The following COG5 variants were observed in gnomAD, a reference collection of about 807,000 sequenced individuals.
COG5 encodes component of oligomeric golgi complex 5, also known as conserved oligomeric Golgi complex subunit 5.
COG5 carries 86 observed loss-of-function variants against 110.4 expected under a neutral mutation model. That is an observed-to-expected ratio of 0.78 (90% CI 0.65 to 0.93). The LOEUF is 0.93. Ranked by LOEUF, COG5 falls within the 40% of genes least tolerant of loss-of-function variation. The probability of loss-of-function intolerance (pLI) is 0.00; values close to 1 mark genes in which losing one functional copy is unlikely to be tolerated. For synonymous variants in COG5, 360 were observed against 334.6 expected (o/e 1.08, Z -0.83); for missense variants, 1,077 against 987.0 (o/e 1.09, Z -1.22).
intron 6 of COG5, among the ~76,000 whole-genome samples, chr7:107,508,376 GC>G (rs1799202274): frequency 6.6e-6 from 1 of 152,216 alleles, no homozygotes; most frequent in African/African-American, 2.4e-5. Context: ...AAACAAAGCA[GC>G]CCCGAAGCTC....
At chr7:107,247,327 T>C (rs1195114886) in intron 17 of COG5, among the ~76,000 whole-genome samples, 1 of 152,124 alleles carries the variant, frequency 6.6e-6, no homozygotes, top group Non-Finnish European at 1.5e-5. Context: ...ATGACACGTG[T>C]TTACCTATGT....
chr7:107,399,092 C>A (rs1169182779), intron 7 of COG5, among the ~76,000 whole-genome samples: 3 of 152,014 alleles, frequency 2.0e-5, no homozygotes, highest in Non-Finnish European at 4.4e-5. Flanking sequence ...GCCCCAGCTA[C>A]TCGGAAGTCT....
chr7:107,412,463 C>T, intron 7 of COG5, 39 bp downstream of exon 7: 1 of 1,593,944 alleles, frequency 6.3e-7, no homozygotes, highest in Non-Finnish European at 8.6e-7. Context: ...TGTATTATGA[C>T]ACATTTTTTA....
chr7:107,390,054 A>G (rs1313478690), intron 7 of COG5, among the ~76,000 whole-genome samples: 4 of 152,206 alleles, frequency 2.6e-5, no homozygotes, highest in Admixed American at 1.3e-4. Context: ...ATTACAATAT[A>G]TTACAATATA....
At chr7:107,465,296 C>T (rs982029567) in intron 6 of COG5, among the ~76,000 whole-genome samples, 2 of 152,012 alleles carry the variant, frequency 1.3e-5, no homozygotes, top group African/African-American at 4.8e-5. Flanking sequence ...TCAATATGAT[C>T]CTAATTACAT....
chr7:107,555,462 CA>C (rs1803238660), intron 2 of COG5, among the ~76,000 whole-genome samples: 1 of 152,184 alleles, frequency 6.6e-6, no homozygotes, highest in Admixed American at 6.5e-5. Context: ...TTCTTTCTAT[CA>C]TATCTACTCA....
At chr7:107,442,056 GC>G (rs1364923738) in intron 6 of COG5, among the ~76,000 whole-genome samples, 5 of 152,138 alleles carry the variant, frequency 3.3e-5, no homozygotes, top group African/African-American at 9.7e-5. Flanking sequence ...TGGCTCTGTG[GC>G]CCCACCCAAA....
intron 7 of COG5, among the ~76,000 whole-genome samples, chr7:107,390,776 G>A (rs933566084): frequency 1.3e-5 from 2 of 148,736 alleles, no homozygotes; most frequent in South Asian, 4.4e-4. Flanking sequence ...TAAGAGCAAC[G>A]ATCGCCACAC....
At chr7:107,468,614 C>CATAT (rs1162515432) in intron 6 of COG5, among the ~76,000 whole-genome samples, 1 of 152,084 alleles carries the variant, frequency 6.6e-6, no homozygotes, top group Non-Finnish European at 1.5e-5. Context: ...AATTTTCCAC[C>CATAT]ATATTACTCT....
intron 6 of COG5, among the ~76,000 whole-genome samples, chr7:107,438,775 A>G (rs571582034): frequency 2.0e-5 from 3 of 152,322 alleles, no homozygotes; most frequent in African/African-American, 4.8e-5. Flanking sequence ...GACCATGAGA[A>G]GGAATATAAT....
rs995017230 is a variant in COG5, at chr7:107,372,744, C to T, written c.686G>A (p.Gly229Glu). 1.2e-6 allele frequency: 2 copies of T among 1,613,244 alleles called. No homozygotes were observed. Among genetic ancestry groups the T allele is most frequent in the Admixed American group, 1.7e-5 (1 of 59,954 alleles). Residue 229 changes from glycine (G) to glutamate (E), a missense_variant, in exon 8 of 22, where the codon GGA becomes GAA. By Grantham distance (98) the Gly-to-Glu change is moderately conservative. Coordinates refer to ENST00000297135, the MANE Select transcript of COG5 (RefSeq NM_006348.5). ...GLETQNPTQVGTALQVFYNLG... is the reference protein window; with the variant it reads ...GLETQNPTQVETALQVFYNLG... The stretch of plus-strand genomic sequence containing the variant: ...ATTATAGAAAACCTGAAGAGCTGTT[C>T]CGACTTGAGTTGGATTCTTAAAAAA...
At chr7:107,420,569 T>G (rs1487544948) in intron 6 of COG5, among the ~76,000 whole-genome samples, 1 of 152,134 alleles carries the variant, frequency 6.6e-6, no homozygotes, top group Non-Finnish European at 1.5e-5. Context: ...CAAGTGATTC[T>G]CCTGCCTCAG....
intron 6 of COG5, among the ~76,000 whole-genome samples, chr7:107,485,925 C>T (rs920911785): frequency 5.3e-5 from 8 of 151,948 alleles, no homozygotes; most frequent in Non-Finnish European, 1.2e-4. Flanking sequence ...AAATGAACTC[C>T]GAATGAGGGA....
intron 11 of COG5, among the ~76,000 whole-genome samples, chr7:107,310,218 C>T (rs1353321434): frequency 2.6e-5 from 4 of 152,160 alleles, no homozygotes; most frequent in Non-Finnish European, 5.9e-5. Flanking sequence ...CCCAGACAAT[C>T]CAACACGAGC....
chr7:107,439,024 C>T (rs1337073754), intron 6 of COG5, among the ~76,000 whole-genome samples: 1 of 152,146 alleles, frequency 6.6e-6, no homozygotes, highest in African/African-American at 2.4e-5. Flanking sequence ...TCAAACTATG[C>T]CATTCATCAC....
chr7:107,325,991 T>A (rs1435715821), intron 10 of COG5, among the ~76,000 whole-genome samples: 2 of 152,228 alleles, frequency 1.3e-5, no homozygotes, highest in Non-Finnish European at 2.9e-5. Context: ...TAGTTTAAAG[T>A]AGATGCTTTT....
chr7:107,392,780 G>A (rs1790717509), intron 7 of COG5, among the ~76,000 whole-genome samples: 1 of 151,962 alleles, frequency 6.6e-6, no homozygotes, highest in African/African-American at 2.4e-5. Flanking sequence ...TAATTGTAGA[G>A]GGGACTGATG....
At chr7:107,261,638 T>G (rs553231207) in intron 14 of COG5, among the ~76,000 whole-genome samples, 1 of 152,264 alleles carries the variant, frequency 6.6e-6, no homozygotes, top group African/African-American at 2.4e-5. Context: ...AAATAGATGA[T>G]CCTTCCAATA....
intron 6 of COG5, among the ~76,000 whole-genome samples, chr7:107,419,780 C>T (rs1477726665): frequency 6.6e-6 from 1 of 152,050 alleles, no homozygotes; most frequent in East Asian, 1.9e-4. Context: ...TTTGGCCAGG[C>T]TAGTCTCGAA....
Sources: allele counts gnomAD v4.1 joint callset (sites outside exome capture counted in the v4.1 genomes callset), GRCh38; gene constraint gnomAD v4.1.1; transcripts MANE v1.5; gene names NCBI Gene and HGNC (gene_info 2026-07-23, HGNC 2026-07-21).